Variants in RASSF4 observed in about 807,000 individuals in gnomAD.
The protein encoded by RASSF4 is ras association domain-containing protein 4.
A neutral mutation model predicts 41.1 loss-of-function variants in RASSF4; 38 were observed. The ratio of observed to expected loss-of-function variants is 0.92; its 90% CI spans 0.71 to 1.21. The LOEUF is 1.21. Ranked by LOEUF, RASSF4 falls within the 50% of genes most tolerant of loss-of-function variation. RASSF4 has a pLI of 0.00. For missense variants in RASSF4, 414 were observed against 419.4 expected, an observed-to-expected ratio of 0.99 and a Z score of 0.11; for synonymous variants, 179 against 163.4, an observed-to-expected ratio of 1.10 and a Z score of -0.73.
intron 3 of RASSF4, chr10:44,977,904 AC>A: frequency 6.2e-7 from 1 of 1,612,470 alleles, no homozygotes; most frequent in Non-Finnish European, 8.5e-7. Flanking sequence ...CGAGATATAG[AC>A]CTCACGTAGT....
intron 3 of RASSF4, chr10:44,976,721 G>A (rs1841443500): frequency 6.6e-6 from 1 of 152,622 alleles, no homozygotes; most frequent in Non-Finnish European, 1.5e-5. Flanking sequence ...GGGTGGGGAT[G>A]GTAGCACTGA....
chr10:44,990,790 G>A, intron 8 of RASSF4, 158 bp from the exon 9 acceptor site: 1 of 630,890 alleles, frequency 1.6e-6, no homozygotes, highest in East Asian at 2.7e-5. Flanking sequence ...CCTCCCTTCT[G>A]CATGAGCAGG....
rs199620500 is a variant in RASSF4, at chr10:44,982,710, G to A, written c.281+47G>A. 178 of 1,592,118 alleles carry A rather than the reference G, an allele frequency of 1.1e-4. 1 individual carries two copies. Among genetic ancestry groups the A allele is most frequent in the Admixed American group, 1.6e-4 (9 of 55,384 alleles). ...TGACACCTGCTCAGCCTGAGCTCCC[G>A]GGTTGGGGATATCCCGAGCCTCAGG... On this transcript the variant is annotated intron_variant, in intron 4 of 10. Transcript: ENST00000340258.
Position 44,993,433 on chromosome 10 carries a change from A to ACGAAT in RASSF4, c.*108_*112dup. On this transcript the variant is annotated 3_prime_UTR_variant, in exon 11 of 11. Transcript: ENST00000340258. ...CACATTGACTGATGGCCACCGCCTG[A>ACGAAT]CGAATCGAGTGCCTGTGTGTCTACC... The ACGAAT allele has an allele frequency of 3.6e-6, 3 of 830,552 alleles. No individual in the cohort carries two copies. The highest frequency in any genetic ancestry group is 3.9e-6 in the Non-Finnish European group (2 of 515,246). The allele number at this position is 830,552 out of a possible 1,614,324, so 51.4% of individuals were successfully genotyped here.
Position 44,971,715 on chromosome 10 carries a change from G to C in RASSF4, c.63-58G>C, listed in dbSNP as rs768912336. The C allele has an allele frequency of 4.4e-6, 6 of 1,365,542 alleles. No homozygotes were observed. The East Asian group carries it at 1.1e-4, about 26-fold the overall frequency. The allele number at this position is 1,365,542 out of a possible 1,614,324, so 84.6% of individuals were successfully genotyped here. Reference sequence around the variant, plus strand: ...GAAACAGAGGCCAGGGAAGCCAAAGGCCAGAAGCTGAGGCCCTGCCACACC... The same window carrying C: ...GAAACAGAGGCCAGGGAAGCCAAAGCCCAGAAGCTGAGGCCCTGCCACACC... On this transcript the variant is annotated intron_variant, in intron 2 of 10. Transcript: ENST00000340258.
At chr10:44,977,407 C>G in intron 3 of RASSF4, 1 of 1,585,538 alleles carries the variant, frequency 6.3e-7, no homozygotes, top group Non-Finnish European at 8.6e-7. Flanking sequence ...GTTCATGGAT[C>G]ACCGGGAGGT....
intron 6 of RASSF4, among the ~76,000 whole-genome samples, chr10:44,988,508 G>T (rs930787204): frequency 2.0e-5 from 3 of 152,050 alleles, no homozygotes; most frequent in Non-Finnish European, 2.9e-5. Context: ...AGCACATGGT[G>T]CTTGTTAGGC....
intron 1 of RASSF4, among the ~76,000 whole-genome samples, chr10:44,962,287 T>C (rs1840737795): frequency 6.6e-6 from 1 of 152,248 alleles, no homozygotes; most frequent in African/African-American, 2.4e-5. Context: ...ATTCTAAACC[T>C]AAGATCTGGG....
chr10:44,971,484 G>C (rs540670999), intron 2 of RASSF4: 2 of 602,588 alleles, frequency 3.3e-6, no homozygotes. Context: ...GGCCTTACCT[G>C]TGATAGTGAA....
rs748679081 is a variant in RASSF4, at chr10:44,993,289, C to T, written c.926C>T (p.Thr309Met). The T allele has an allele frequency of 2.7e-5, 43 of 1,608,952 alleles. No homozygotes were observed. In the Admixed American group the frequency reaches 2.8e-4, roughly 11 times the overall value. ...TCCAGGTTCCAAGCCCTGCGTCTGA[C>T]GATGCTGCAGCGCCTGGAGCAGCTG... Reference protein sequence around the residue: ...LTMKFQALRLTMLQRLEQLVE... With the variant: ...LTMKFQALRLMMLQRLEQLVE... Residue 309 changes from threonine (T) to methionine (M), a missense_variant, in exon 11 of 11, where the codon ACG becomes ATG. By Grantham distance (81) the Thr-to-Met change is moderately conservative (BLOSUM62 -1). Coordinates refer to ENST00000340258, the MANE Select transcript of RASSF4 (RefSeq NM_032023.4).
intron 8 of RASSF4, 92 bp from the exon 9 acceptor site, chr10:44,990,856 C>CCTAGACGCACATTTT (rs1173712202): frequency 9.4e-6 from 13 of 1,384,736 alleles, no homozygotes; most frequent in Admixed American, 3.7e-5. Flanking sequence ...TCCCTGCGCC[C>CCTAGACGCACATTTT]CTAGACGCAC....
At position 44,977,456 on chromosome 10, in the gene RASSF4, C is replaced by T. The variant is rs141296778; in HGVS notation, c.139-5065C>T. Reference sequence around the variant, plus strand: ...TCTGAGGACACTGCTGGGGCGGGGGCGGTGGCGGGAGGCCATGGCTTGGGC... The same window carrying T: ...TCTGAGGACACTGCTGGGGCGGGGGTGGTGGCGGGAGGCCATGGCTTGGGC... On this transcript the variant is annotated intron_variant, in intron 3 of 10. Transcript: ENST00000340258. The T allele has an allele frequency of 2.0e-5, 32 of 1,611,340 alleles. No individual in the cohort carries two copies. The African/African-American group carries it at 2.8e-4, about 14-fold the overall frequency.
chr10:44,989,124 G>A (rs111696396), intron 6 of RASSF4, 150 bp from the exon 7 acceptor site: 114 of 580,940 alleles, frequency 2.0e-4, no homozygotes, highest in African/African-American at 1.8e-3. Flanking sequence ...CCAGGTCTGG[G>A]AACAGCTTAT....
chr10:44,988,865 G>A (rs1427313083), intron 6 of RASSF4, among the ~76,000 whole-genome samples: 1 of 152,200 alleles, frequency 6.6e-6, no homozygotes, highest in Non-Finnish European at 1.5e-5. Flanking sequence ...TGTGATCAGT[G>A]CCTCTACTAG....
chr10:44,972,058 A>T (rs1841194517), intron 3 of RASSF4, among the ~76,000 whole-genome samples: 1 of 152,138 alleles, frequency 6.6e-6, no homozygotes, highest in Non-Finnish European at 1.5e-5. Flanking sequence ...TCCCTTGCAG[A>T]GGGTCAGTGC....
At chr10:44,968,648 G>A (rs1457522794) in intron 1 of RASSF4, among the ~76,000 whole-genome samples, 1 of 152,160 alleles carries the variant, frequency 6.6e-6, no homozygotes, top group Non-Finnish European at 1.5e-5. Context: ...AACTGGACTG[G>A]TCCAAGTGAG....
At chr10:44,971,323 A>G (rs1331383965) in intron 2 of RASSF4, 1 of 363,270 alleles carries the variant, frequency 2.8e-6, no homozygotes, top group Admixed American at 3.6e-5. Context: ...GTGGGGAAGA[A>G]GCAGGCACCC....
At chr10:44,960,738 C>T (rs888394931) in intron 1 of RASSF4, among the ~76,000 whole-genome samples, 14 of 152,190 alleles carry the variant, frequency 9.2e-5, no homozygotes, top group African/African-American at 3.4e-4. Flanking sequence ...TAAATAAGGT[C>T]GCACAGCAAA....
At chr10:44,984,777 C>G (rs774604005) in intron 5 of RASSF4, 36 bp from the exon 6 acceptor site, 1 of 1,608,212 alleles carries the variant, frequency 6.2e-7, no homozygotes, top group Non-Finnish European at 8.5e-7. Flanking sequence ...GTCAGCATCA[C>G]CCACCCTGCC....
Sources: gnomAD v4.1 joint callset for allele counts (sites outside exome capture counted in the v4.1 genomes callset) on GRCh38, gnomAD v4.1.1 for gene constraint, MANE v1.5 for transcripts, NCBI Gene and HGNC (gene_info 2026-07-23, HGNC 2026-07-21) for gene names.